Variants in ABCA12 observed in about 807,000 individuals in gnomAD.
ABCA12 encodes glucosylceramide transporter ABCA12.
ABCA12 carries 156 observed loss-of-function variants against 293.5 expected under a neutral mutation model. That is an observed-to-expected ratio of 0.53 (90% CI 0.47 to 0.61). ABCA12 has a LOEUF of 0.61. ABCA12 is among the 20% of genes least tolerant of loss of function. ABCA12 has a pLI of 0.00. For synonymous variants in ABCA12, 1,063 were observed against 1,108.0 expected, an observed-to-expected ratio of 0.96 and a Z score of 0.81; for missense variants, 2,797 against 3,090.2, an observed-to-expected ratio of 0.91 and a Z score of 2.25.
intron 35 of ABCA12, 121 bp from the exon 36 acceptor site, chr2:214,974,163 T>G: frequency 1.1e-6 from 1 of 903,024 alleles, no homozygotes; most frequent in South Asian, 1.4e-5. Context: ...AACAATTTAC[T>G]GATTTTTCAT....
intron 2 of ABCA12, 101 bp downstream of exon 2, chr2:215,111,496 A>T (rs1158917161): frequency 2.3e-6 from 2 of 870,756 alleles, no homozygotes; most frequent in Non-Finnish European, 3.8e-6. Flanking sequence ...TGAAAACACT[A>T]TACAAAAAAA....
rs772341619 is a variant in ABCA12, at chr2:214,948,644, C to A, written c.7056G>T (p.Leu2352Phe). The change falls in exon 47 of 53, where the codon TTG becomes TTT. Residue 2352 changes from leucine (L) to phenylalanine (F), a missense_variant. By Grantham distance (22) the Leu-to-Phe change is conservative. This residue lies in a region of ABCA12 where 2,130 missense variants were observed against 2,427.0 expected (regional missense o/e 0.88). Coordinates refer to ENST00000272895, the MANE Select transcript of ABCA12 (RefSeq NM_173076.3). ...TTCCATGTACCCTGGCATAGAAATA[C>A]AAATGTTCTTCCACAGTTACCAGGT... is the stretch of plus-strand genomic sequence containing the variant. Reference protein sequence around the residue: ...LDDLVTVEEHLYFYARVHGIP... With the variant: ...LDDLVTVEEHFYFYARVHGIP... The A allele has an allele frequency of 1.1e-5, 18 of 1,613,916 alleles. No homozygotes were observed. Among genetic ancestry groups the A allele is most frequent in the Non-Finnish European group, 1.5e-5 (18 of 1,179,976 alleles).
At chr2:215,134,950 C>T (rs942375151) in intron 1 of ABCA12, among the ~76,000 whole-genome samples, 1 of 149,848 alleles carries the variant, frequency 6.7e-6, no homozygotes, top group African/African-American at 2.5e-5. Flanking sequence ...CCAGCATATA[C>T]TTTAAAAAAA....
At position 215,019,601 on chromosome 2, in the gene ABCA12, A is replaced by G. The variant is rs1319931606; in HGVS notation, c.1483T>C (p.Ser495Pro). The G allele has an allele frequency of 3.7e-6, 6 of 1,614,098 alleles. No individual in the cohort carries two copies. The highest frequency in any genetic ancestry group is 1.6e-4 in the Middle Eastern group (1 of 6,084). Residue 495 changes from serine (S) to proline (P), a missense_variant, in exon 12 of 53, where the codon TCT becomes CCT. Ser to Pro is a moderately conservative substitution (Grantham distance 74, BLOSUM62 -1). Around this residue, in one of 3 missense-constraint regions of ABCA12, gnomAD observed 656 missense variants for 638.2 expected, o/e 1.03. Transcript: ENST00000272895. ...GTCAGCAAATCTCTCACTTTTTTAG[A>G]TATGACATTGTCATGGTACAGTAAG... ...ASLLYHDNVI[S>P]KKVRDLLTGD...
chr2:214,985,198 C>A (rs1310912141), intron 28 of ABCA12, among the ~76,000 whole-genome samples: 1 of 152,188 alleles, frequency 6.6e-6, no homozygotes, highest in Non-Finnish European at 1.5e-5. Flanking sequence ...AAAATTATAG[C>A]CTCTTCAAGA....
intron 2 of ABCA12, among the ~76,000 whole-genome samples, chr2:215,092,486 G>A (rs879773717): frequency 2.0e-5 from 3 of 151,760 alleles, no homozygotes; most frequent in Non-Finnish European, 4.4e-5. Flanking sequence ...ACAAGTATTG[G>A]ACACCTCTAC....
At chr2:214,975,674 C>G (rs1040729228) in intron 34 of ABCA12, 111 bp downstream of exon 34, 4 of 1,423,406 alleles carry the variant, frequency 2.8e-6, no homozygotes, top group African/African-American at 1.4e-5. Context: ...GAATCAGGTA[C>G]CATGGCTTCT....
At chr2:215,071,462 T>G (rs565473670) in intron 2 of ABCA12, among the ~76,000 whole-genome samples, 3 of 151,964 alleles carry the variant, frequency 2.0e-5, no homozygotes, top group Non-Finnish European at 4.4e-5. Flanking sequence ...GATCTAGAAC[T>G]ATATGATAGA....
chr2:214,997,182 T>C (rs1468185766), intron 23 of ABCA12, among the ~76,000 whole-genome samples: 4 of 152,198 alleles, frequency 2.6e-5, no homozygotes, highest in Non-Finnish European at 5.9e-5. Flanking sequence ...TTAGTTTCTA[T>C]AAGTCAGGAG....
At chr2:214,966,750 A>T in intron 39 of ABCA12, 98 bp downstream of exon 39, 1 of 1,107,980 alleles carries the variant, frequency 9.0e-7, no homozygotes, top group Non-Finnish European at 1.4e-6. Context: ...ATACCATAAA[A>T]TACCTGCCAC....
At chr2:214,954,985 A>G (rs1174374349) in intron 43 of ABCA12, among the ~76,000 whole-genome samples, 2 of 152,218 alleles carry the variant, frequency 1.3e-5, no homozygotes, top group Non-Finnish European at 2.9e-5. Context: ...ACCACATTCA[A>G]GCCCTATCAG....
chr2:215,089,835 G>C (rs1002047847), intron 2 of ABCA12, among the ~76,000 whole-genome samples: 3 of 152,128 alleles, frequency 2.0e-5, no homozygotes, highest in Non-Finnish European at 4.4e-5. Context: ...GTTTTTTAAA[G>C]CATGAACTGC....
At chr2:215,110,763 T>C (rs1702556599) in intron 2 of ABCA12, among the ~76,000 whole-genome samples, 1 of 152,246 alleles carries the variant, frequency 6.6e-6, no homozygotes, top group Non-Finnish European at 1.5e-5. Flanking sequence ...TTCAGGATTG[T>C]CTTCTTTTAC....
chr2:215,004,929 C>T (rs946236166), intron 19 of ABCA12: 1 of 152,136 alleles, frequency 6.6e-6, no homozygotes, highest in African/African-American at 2.4e-5. Flanking sequence ...ACTTTAAACT[C>T]TATCAATGGA....
At chr2:215,033,777 T>C (rs761636800) in intron 8 of ABCA12, among the ~76,000 whole-genome samples, 12 of 151,918 alleles carry the variant, frequency 7.9e-5, no homozygotes, top group Admixed American at 7.9e-4. Flanking sequence ...CCGTCTCTAC[T>C]AAAAATATAA....
intron 3 of ABCA12, among the ~76,000 whole-genome samples, chr2:215,058,586 C>A (rs1399775112): frequency 6.6e-6 from 1 of 151,962 alleles, no homozygotes; most frequent in Non-Finnish European, 1.5e-5. Context: ...GGACATAGGC[C>A]CATCTGATTC....
At chr2:214,958,554 GA>G in intron 40 of ABCA12, 100 bp from the exon 41 acceptor site, 3 of 1,324,066 alleles carry the variant, frequency 2.3e-6, no homozygotes, top group Non-Finnish European at 3.2e-6. Context: ...AACAGTACAA[GA>G]GTTGGCTGTG....
At chr2:215,060,392 T>A (rs908697731) in intron 3 of ABCA12, among the ~76,000 whole-genome samples, 1 of 152,096 alleles carries the variant, frequency 6.6e-6, no homozygotes, top group African/African-American at 2.4e-5. Context: ...TCTACTTTGT[T>A]TTTTGATAAA....
chr2:214,942,840 C>T lies in ABCA12; in HGVS notation c.7436+85G>A, dbSNP rs543845557. Reference sequence around the variant, plus strand: ...GTCCATTCTAGTTTTACTACTTAGGCTGCTGAGATAATCCTTGAATCTGAG... The same window carrying T: ...GTCCATTCTAGTTTTACTACTTAGGTTGCTGAGATAATCCTTGAATCTGAG... On this transcript the variant is annotated intron_variant, in intron 50 of 52. Coordinates refer to ENST00000272895, the MANE Select transcript of ABCA12 (RefSeq NM_173076.3). 1,489 of 1,165,822 alleles carry T rather than the reference C, an allele frequency of 1.3e-3. 5 individuals carry two copies. The highest frequency in any genetic ancestry group is 8.0e-3 in the Middle Eastern group (42 of 5,228). The allele number at this position is 1,165,822 out of a possible 1,614,324, so 72.2% of individuals were successfully genotyped here. A position where few individuals can be genotyped will look rare whatever the true frequency, so the allele number is the denominator to read the frequency against.
Sources: allele counts gnomAD v4.1 joint callset (sites outside exome capture counted in the v4.1 genomes callset), GRCh38; gene constraint gnomAD v4.1.1; regional missense constraint gnomAD v4.1.1; transcripts MANE v1.5; gene names NCBI Gene and HGNC (gene_info 2026-07-23, HGNC 2026-07-21).